The following COL8A1 variants were observed in gnomAD, a reference collection of about 807,000 sequenced individuals.
COL8A1 encodes collagen type VIII alpha 1 chain, also known as collagen alpha-1(VIII) chain.
A neutral mutation model predicts 42.7 loss-of-function variants in COL8A1; 21 were observed. The observed-to-expected ratio is 0.49, with a 90% CI of 0.35 to 0.71. The LOEUF is 0.71. Ranked by LOEUF, COL8A1 falls within the 30% of genes least tolerant of loss-of-function variation. The probability of loss-of-function intolerance (pLI) is 0.01; values close to 1 mark genes in which losing one functional copy is unlikely to be tolerated. For synonymous variants in COL8A1, 367 were observed against 369.1 expected (o/e 0.99, Z 0.06); for missense variants, 788 against 962.4 (o/e 0.82, Z 2.40).
At chr3:99,755,041 C>G (rs368040133) in intron 2 of COL8A1, among the ~76,000 whole-genome samples, 2 of 152,254 alleles carry the variant, frequency 1.3e-5, no homozygotes, top group South Asian at 4.1e-4. Context: ...TTCTTGATGT[C>G]ATTTCAAGTA....
At chr3:99,739,718 A>G (rs1299105162) in intron 1 of COL8A1, among the ~76,000 whole-genome samples, 1 of 152,072 alleles carries the variant, frequency 6.6e-6, no homozygotes, top group African/African-American at 2.4e-5. Context: ...CCAGCCCACA[A>G]AACCATTTTT....
In COL8A1 at chr3:99,735,759, C is replaced by T. The variant is rs556884496; in HGVS notation, c.-128-9138C>T. On this transcript the variant is annotated intron_variant, in intron 1 of 3. Transcript: ENST00000652472. ...TCCTCCTTGTACCTCTGGTAGAATT[C>T]GGCTGTGAATCCATCTGGTCCTGGA... Among the ~76,000 whole-genome samples the T allele has an allele frequency of 3.7e-3, 568 of 151,930 alleles. 3 individuals are homozygous for T. The highest frequency in any genetic ancestry group is 0.013 in the African/African-American group (526 of 41,418).
intron 1 of COL8A1, among the ~76,000 whole-genome samples, chr3:99,707,785 A>G (rs894460469): frequency 5.3e-5 from 8 of 152,218 alleles, no homozygotes; most frequent in Non-Finnish European, 7.3e-5. Context: ...CCATGTATAT[A>G]TGTTTAATAA....
chr3:99,685,166 C>G (rs1198025530), intron 1 of COL8A1, among the ~76,000 whole-genome samples: 1 of 152,222 alleles, frequency 6.6e-6, no homozygotes, highest in East Asian at 1.9e-4. Flanking sequence ...AAAACAAATG[C>G]AGATGATGCA....
intron 1 of COL8A1, among the ~76,000 whole-genome samples, chr3:99,742,485 T>G (rs1240659845): frequency 6.6e-6 from 1 of 152,242 alleles, no homozygotes; most frequent in African/African-American, 2.4e-5. Flanking sequence ...GTAGCACTCT[T>G]TCTCACAGTA....
intron 2 of COL8A1, among the ~76,000 whole-genome samples, chr3:99,746,461 G>T (rs962685982): frequency 6.6e-6 from 1 of 152,134 alleles, no homozygotes; most frequent in Non-Finnish European, 1.5e-5. Flanking sequence ...CCAGTGATAG[G>T]CTCGGCTTCT....
chr3:99,736,038 CTCTTTTTT>C (rs1437991040), intron 1 of COL8A1, among the ~76,000 whole-genome samples: 5 of 114,924 alleles, frequency 4.4e-5, no homozygotes, highest in Non-Finnish European at 9.6e-5. Flanking sequence ...TGATTCTTCT[CTCTTTTTT>C]TCTTTATTAG....
At chr3:99,646,564 C>T (rs905256969) in intron 1 of COL8A1, among the ~76,000 whole-genome samples, 8 of 152,094 alleles carry the variant, frequency 5.3e-5, no homozygotes, top group African/African-American at 1.2e-4. Context: ...ATGCATTTTA[C>T]GGTTACTAAT....
In COL8A1 at chr3:99,797,001, A is replaced by T. The variant is rs928136565; in HGVS notation, c.*865A>T. 2 of 152,114 alleles carry T rather than the reference A, an allele frequency of 1.3e-5. No homozygotes were observed. The highest frequency in any genetic ancestry group is 6.5e-5 in the Admixed American group (1 of 15,270). The allele number at this position is 152,114 out of a possible 1,614,324, so 9.4% of individuals were successfully genotyped here. A position where few individuals can be genotyped will look rare whatever the true frequency, so the allele number is the denominator to read the frequency against. On this transcript the variant is annotated 3_prime_UTR_variant, in exon 4 of 4. Transcript: ENST00000652472. ...ATTTTCTTTCCTCCATGTAATTTTC[A>T]CTATGGCCCAACTAATATAAACACC...
chr3:99,669,300 AC>A, intron 1 of COL8A1, among the ~76,000 whole-genome samples: 1 of 151,840 alleles, frequency 6.6e-6, no homozygotes, highest in East Asian at 1.9e-4. Context: ...CAGGAGATAC[AC>A]TGTAAACCAA....
chr3:99,757,082 C>G (rs1416482489), intron 2 of COL8A1, among the ~76,000 whole-genome samples: 1 of 152,132 alleles, frequency 6.6e-6, no homozygotes, highest in Non-Finnish European at 1.5e-5. Context: ...CTTGCTGTAT[C>G]CCCAGCAATT....
chr3:99,709,332 C>A (rs1424131835), intron 1 of COL8A1, among the ~76,000 whole-genome samples: 1 of 152,096 alleles, frequency 6.6e-6, no homozygotes, highest in Non-Finnish European at 1.5e-5. Flanking sequence ...ATACTGAGTT[C>A]AGTCTCACAC....
intron 1 of COL8A1, among the ~76,000 whole-genome samples, chr3:99,677,092 G>T (rs1938721534): frequency 6.6e-6 from 1 of 150,550 alleles, no homozygotes; most frequent in African/African-American, 2.4e-5. Context: ...GAGGGAGAAA[G>T]AAATTATATA....
chr3:99,677,420 G>T (rs771994286), intron 1 of COL8A1, among the ~76,000 whole-genome samples: 1 of 152,036 alleles, frequency 6.6e-6, no homozygotes, highest in Non-Finnish European at 1.5e-5. Context: ...CAGATAACAG[G>T]AATGGCCTTC....
chr3:99,665,090 A>G (rs988069991), intron 1 of COL8A1, among the ~76,000 whole-genome samples: 20 of 152,164 alleles, frequency 1.3e-4, no homozygotes, highest in East Asian at 9.7e-4. Flanking sequence ...GAGCTTCTCC[A>G]TGCTCCCTCA....
chr3:99,794,928 G>A lies in COL8A1; in HGVS notation c.1027G>A (p.Gly343Arg), dbSNP rs1404755004. 2.5e-6 allele frequency: 4 copies of A among 1,596,746 alleles called. No homozygotes were observed. The highest frequency in any genetic ancestry group is 3.4e-6 in the Non-Finnish European group (4 of 1,171,950). ...KGEQGLPGLPGPPGLPGIGKP... is the reference protein window; with the variant it reads ...KGEQGLPGLPRPPGLPGIGKP... The stretch of plus-strand genomic sequence containing the variant: ...GGAGCAAGGACTGCCAGGGCTACCA[G>A]GACCCCCAGGCCTTCCAGGGATTGG... Residue 343 changes from glycine to arginine, a missense_variant, in exon 4 of 4, where the codon GGA (glycine) becomes AGA (arginine). Gly to Arg is a moderately radical substitution (Grantham distance 125, BLOSUM62 -2). Transcript: ENST00000652472. The surrounding 1 kb of genome is among the most constrained non-coding windows in gnomAD (Gnocchi z 4.3).
At position 99,639,630 on chromosome 3, in the gene COL8A1, A is replaced by C. The variant is rs531574565; in HGVS notation, c.-129+966A>C. Among the ~76,000 whole-genome samples, 16 of 152,350 alleles carry C rather than the reference A, an allele frequency of 1.1e-4. 1 individual carries two copies. In the South Asian group the frequency reaches 3.1e-3, roughly 30 times the overall value. On this transcript the variant is annotated intron_variant, in intron 1 of 3. Transcript: ENST00000652472. ...AGAAAATGATCTCTTCTTATTCCTA[A>C]GGTAGAATAAATGTGCACCTGTGAA...
chr3:99,798,264 C>T lies in COL8A1; in HGVS notation c.*2128C>T, dbSNP rs1942137204. On this transcript the variant is annotated 3_prime_UTR_variant, in exon 4 of 4. Coordinates refer to ENST00000652472, the MANE Select transcript of COL8A1 (RefSeq NM_020351.4). ...GTTCTTGTCACTACTAATTATACAACAATCTTTTCCCAACAAAAAGATGTC... is the reference window on the plus strand; with the variant it reads ...GTTCTTGTCACTACTAATTATACAATAATCTTTTCCCAACAAAAAGATGTC... 1 of 152,142 alleles carries T rather than the reference C, an allele frequency of 6.6e-6. No homozygotes were observed. Among genetic ancestry groups the T allele is most frequent in the Admixed American group, 6.5e-5 (1 of 15,282 alleles). The allele number at this position is 152,142 out of a possible 1,614,324, so 9.4% of individuals were successfully genotyped here. A position where few individuals can be genotyped will look rare whatever the true frequency, so the allele number is the denominator to read the frequency against.
At chr3:99,783,330 T>A (rs1256248065) in intron 2 of COL8A1, among the ~76,000 whole-genome samples, 2 of 152,246 alleles carry the variant, frequency 1.3e-5, no homozygotes, top group Non-Finnish European at 2.9e-5. Flanking sequence ...GAGGTCATTA[T>A]CTGCCTATAG....
Sources: gnomAD v4.1 joint callset for allele counts (sites outside exome capture counted in the v4.1 genomes callset) on GRCh38, gnomAD v4.1.1 for gene constraint, Gnocchi (gnomAD v3.1) non-coding constraint, MANE v1.5 for transcripts, NCBI Gene and HGNC (gene_info 2026-07-23, HGNC 2026-07-21) for gene names.